Variants in CAB39L observed in about 807,000 individuals in gnomAD.
CAB39L encodes the protein calcium binding protein 39 like, also known as calcium-binding protein 39-like.
CAB39L carries 23 observed loss-of-function variants against 39.1 expected under a neutral mutation model. That is an observed-to-expected ratio of 0.59 (90% confidence interval 0.42 to 0.83). CAB39L has a LOEUF of 0.83. CAB39L is among the 40% of genes least tolerant of loss of function. CAB39L has a pLI of 0.00. For synonymous variants in CAB39L, 126 were observed against 137.2 expected (o/e 0.92, Z 0.57); for missense variants, 366 against 391.9 (o/e 0.93, Z 0.56).
At chr13:49,334,553 G>A (rs115139877) in intron 9 of CAB39L, among the ~76,000 whole-genome samples, 210 of 152,194 alleles carry the variant, frequency 1.4e-3, no homozygotes, top group African/African-American at 4.6e-3. Flanking sequence ...CATCGTCTTC[G>A]GGAAAGCCTT....
In CAB39L at chr13:49,440,581, AATG is replaced by A. The variant is rs548570675; in HGVS notation, c.-246+3402_-246+3404del. On this transcript the variant is annotated intron_variant, in intron 1 of 10. Transcript: ENST00000409308. ...TTGTTTTGGGCAGTATGGCGATTCT[AATG>A]ATATTGATTCTTCCAATCCATGAGC... Among the ~76,000 whole-genome samples, 330 of 151,978 alleles carry A rather than the reference AATG, an allele frequency of 2.2e-3. 3 individuals carry two copies. Among genetic ancestry groups the A allele is most frequent in the African/African-American group, 7.4e-3 (306 of 41,456 alleles).
intron 5 of CAB39L, among the ~76,000 whole-genome samples, chr13:49,373,648 C>T (rs1394724518): frequency 6.6e-6 from 1 of 152,182 alleles, no homozygotes; most frequent in Non-Finnish European, 1.5e-5. Context: ...TCTTTTGGTC[C>T]AATTCTTTTA....
Position 49,442,440 on chromosome 13 carries a change from C to T in CAB39L, c.-246+1546G>A, listed in dbSNP as rs370103921. Among the ~76,000 whole-genome samples the T allele has an allele frequency of 3.3e-5, 5 of 152,156 alleles. No homozygotes were observed. The East Asian group carries it at 5.8e-4, about 18-fold the overall frequency. ...TTGTTTCTCCATGCATTTTGACAAGCCAACTGGAAGATACAAGTCAAGTGG... is the reference window on the plus strand; with the variant it reads ...TTGTTTCTCCATGCATTTTGACAAGTCAACTGGAAGATACAAGTCAAGTGG... On this transcript the variant is annotated intron_variant, in intron 1 of 10. Coordinates refer to ENST00000409308, the MANE Select transcript of CAB39L (RefSeq NM_001079670.3).
intron 3 of CAB39L, among the ~76,000 whole-genome samples, chr13:49,431,446 T>C (rs1402624132): frequency 3.3e-5 from 5 of 152,032 alleles, no homozygotes; most frequent in Admixed American, 1.3e-4. Context: ...GTGGCTCACG[T>C]CTGTAATCCC....
intron 9 of CAB39L, among the ~76,000 whole-genome samples, chr13:49,339,209 C>T (rs1397206329): frequency 6.8e-6 from 1 of 146,826 alleles, no homozygotes; most frequent in East Asian, 2.0e-4. Flanking sequence ...TGGCTCACTG[C>T]AACCTCCACC....
chr13:49,344,801 T>C (rs1261146142), intron 7 of CAB39L, among the ~76,000 whole-genome samples: 1 of 152,156 alleles, frequency 6.6e-6, no homozygotes, highest in Non-Finnish European at 1.5e-5. Context: ...TAACCACTTT[T>C]AAAATGGGCG....
At chr13:49,358,952 T>G (rs1955557653) in intron 6 of CAB39L, among the ~76,000 whole-genome samples, 1 of 152,234 alleles carries the variant, frequency 6.6e-6, no homozygotes, top group Admixed American at 6.5e-5. Flanking sequence ...TTGATACAAT[T>G]AAATATTTAA....
intron 3 of CAB39L, among the ~76,000 whole-genome samples, chr13:49,390,154 T>G (rs1956456378): frequency 6.6e-6 from 1 of 152,192 alleles, no homozygotes. Context: ...CCCAAAGTGT[T>G]GGGGTTACAG....
At chr13:49,333,268 CCTT>C (rs1326930730) in intron 9 of CAB39L, among the ~76,000 whole-genome samples, 1 of 152,158 alleles carries the variant, frequency 6.6e-6, no homozygotes, top group African/African-American at 2.4e-5. Context: ...TCTGCAACCT[CCTT>C]CATCTTTCTG....
intron 8 of CAB39L, among the ~76,000 whole-genome samples, chr13:49,342,673 C>A (rs972318304): frequency 6.6e-6 from 1 of 152,132 alleles, no homozygotes; most frequent in African/African-American, 2.4e-5. Context: ...GGATGAGGAT[C>A]AGAGACTCCC....
At chr13:49,405,689 T>C (rs1020742875) in intron 3 of CAB39L, among the ~76,000 whole-genome samples, 9 of 88,356 alleles carry the variant, frequency 1.0e-4, no homozygotes, top group African/African-American at 3.7e-4. Flanking sequence ...AGCAAGACCC[T>C]GCTGAAAGAA....
intron 7 of CAB39L, among the ~76,000 whole-genome samples, chr13:49,346,122 T>TATATATATATATATATATATATATCAG (rs1566079395): frequency 8.4e-6 from 1 of 118,874 alleles, no homozygotes; most frequent in African/African-American, 3.6e-5. Flanking sequence ...TATATATATA[T>TATATATATATATATATATATATATCAG]ATCATGGATA....
intron 1 of CAB39L, among the ~76,000 whole-genome samples, chr13:49,439,382 A>T (rs1243656483): frequency 6.6e-6 from 1 of 152,186 alleles, no homozygotes; most frequent in African/African-American, 2.4e-5. Flanking sequence ...CTGGAGTATG[A>T]CAGATCCTGT....
chr13:49,404,479 G>A (rs2146399), intron 3 of CAB39L, among the ~76,000 whole-genome samples: 63,634 of 151,264 alleles, frequency 0.42, 13,668 homozygotes, highest in Middle Eastern at 0.52. Flanking sequence ...AATAAGCTCG[G>A]AGTGTGAAGA....
chr13:49,351,886 G>C (rs1355751588), intron 6 of CAB39L, among the ~76,000 whole-genome samples: 2 of 152,214 alleles, frequency 1.3e-5, no homozygotes, highest in African/African-American at 2.4e-5. Context: ...TCACTGGGTA[G>C]ATGGTGGTGC....
chr13:49,353,351 G>C (rs1955407493), intron 6 of CAB39L, among the ~76,000 whole-genome samples: 1 of 152,196 alleles, frequency 6.6e-6, no homozygotes, highest in Admixed American at 6.5e-5. Context: ...GTACTCAAGA[G>C]AGTATAAAAT....
At chr13:49,366,921 C>T (rs1955791063) in intron 5 of CAB39L, among the ~76,000 whole-genome samples, 1 of 152,036 alleles carries the variant, frequency 6.6e-6, no homozygotes. Flanking sequence ...GAAGCTGAGA[C>T]ACAAGAATTG....
At chr13:49,326,875 A>C (rs975105921) in intron 10 of CAB39L, among the ~76,000 whole-genome samples, 2 of 152,156 alleles carry the variant, frequency 1.3e-5, no homozygotes, top group Non-Finnish European at 2.9e-5. Flanking sequence ...TTTTTGAACA[A>C]AATTATATGA....
chr13:49,403,607 A>G (rs1291095579), intron 3 of CAB39L, among the ~76,000 whole-genome samples: 1 of 152,194 alleles, frequency 6.6e-6, no homozygotes, highest in East Asian at 1.9e-4. Flanking sequence ...TATTAGAAAG[A>G]TAAGAATGTT....
Sources: gnomAD v4.1 joint callset for allele counts (sites outside exome capture counted in the v4.1 genomes callset) on GRCh38, gnomAD v4.1.1 for gene constraint, MANE v1.5 for transcripts, NCBI Gene and HGNC (gene_info 2026-07-23, HGNC 2026-07-21) for gene names.